Variants in RSF1 observed in about 807,000 individuals in gnomAD.
The protein encoded by RSF1 is HBV pX-associated protein 8.
RSF1 carries 13 observed loss-of-function variants against 145.2 expected under a neutral mutation model. The observed-to-expected ratio is 0.09, with a 90% CI of 0.06 to 0.14. RSF1 has a LOEUF of 0.14. Ranked by LOEUF, RSF1 falls within the 10% of genes least tolerant of loss-of-function variation. RSF1 has a pLI of 1.00. For synonymous variants in RSF1, 577 were observed against 592.6 expected, an observed-to-expected ratio of 0.97 and a Z score of 0.38; for missense variants, 1,517 against 1,718.2, an observed-to-expected ratio of 0.88 and a Z score of 2.07.
At chr11:77,722,001 T>C (rs1039770710) in intron 5 of RSF1, among the ~76,000 whole-genome samples, 11 of 152,022 alleles carry the variant, frequency 7.2e-5, no homozygotes, top group East Asian at 1.9e-4. Flanking sequence ...AGTGAGACCA[T>C]GTCTTTACAA....
chr11:77,696,939 T>C (rs1338536836), intron 7 of RSF1, among the ~76,000 whole-genome samples: 1 of 152,214 alleles, frequency 6.6e-6, no homozygotes, highest in Non-Finnish European at 1.5e-5. Context: ...CTTCCAGATA[T>C]GATATTAACA....
In RSF1 at chr11:77,772,377, T is replaced by C. The variant is rs948146961; in HGVS notation, c.188-7688A>G. Among the ~76,000 whole-genome samples, 3 of 152,156 alleles carry C rather than the reference T, an allele frequency of 2.0e-5. No individual in the cohort carries two copies. The East Asian group carries it at 5.8e-4, about 29-fold the overall frequency. ...TGTGTACAGACAGGGTCCCACTATG[T>C]TGGCCAGGCTGGTCTCAAACTCCGG... On this transcript the variant is annotated intron_variant, in intron 1 of 15. Transcript: ENST00000308488.
chr11:77,830,349 A>G, the RSF1 span, among the ~76,000 whole-genome samples: 2 of 152,158 alleles, frequency 1.3e-5, no homozygotes, highest in African/African-American at 2.4e-5. Flanking sequence ...CCTGCCACCA[A>G]AAGGTTTGCT....
chr11:77,700,909 T>C lies in RSF1; in HGVS notation c.2320A>G (p.Thr774Ala), dbSNP rs1277706505. ...GATATTCTTGGAGATCTTCTTAAAG[T>C]ACGACCCACATTTGTTTTCTCCTCT... is the stretch of plus-strand genomic sequence containing the variant. ...KEEEKTNVGRTLRRSPRISRP... is the reference protein window; with the variant it reads ...KEEEKTNVGRALRRSPRISRP... Residue 774 changes from threonine to alanine, a missense_variant, in exon 6 of 16, where the codon ACT becomes GCT. Transcript: ENST00000308488. 1.9e-6 allele frequency: 3 copies of C among 1,613,832 alleles called. No individual in the cohort carries two copies. The African/African-American group carries it at 4.0e-5, about 22-fold the overall frequency.
the RSF1 span, among the ~76,000 whole-genome samples, chr11:77,825,998 T>G: frequency 6.6e-6 from 1 of 152,148 alleles, no homozygotes; most frequent in African/African-American, 2.4e-5. Context: ...CTACCCATCT[T>G]TTTTTGAGAC....
intron 10 of RSF1, 97 bp from the exon 11 acceptor site, chr11:77,683,916 GTGAAAGGTC>G: frequency 1.2e-6 from 1 of 854,228 alleles, no homozygotes; most frequent in Non-Finnish European, 1.8e-6. Context: ...GGTAGCACAT[GTGAAAGGTC>G]TGAAAAAGTT....
At chr11:77,679,720 T>C (rs1362655200) in intron 11 of RSF1, among the ~76,000 whole-genome samples, 3 of 151,802 alleles carry the variant, frequency 2.0e-5, no homozygotes, top group Admixed American at 2.0e-4. Flanking sequence ...TAGGGCTATA[T>C]TATTACTGCT....
At chr11:77,772,948 A>G (rs1213934393) in intron 1 of RSF1, among the ~76,000 whole-genome samples, 1 of 151,986 alleles carries the variant, frequency 6.6e-6, no homozygotes, top group Admixed American at 6.5e-5. Context: ...CAAATGGATG[A>G]AGGAATAGTT....
At chr11:77,670,094 C>A (rs770115980) in intron 15 of RSF1, among the ~76,000 whole-genome samples, 1 of 152,170 alleles carries the variant, frequency 6.6e-6, no homozygotes, top group African/African-American at 2.4e-5. Context: ...CCACTGCACG[C>A]CAGCCAGGGT....
At position 77,783,335 on chromosome 11, in the gene RSF1, T is replaced by C. The variant is rs567993717; in HGVS notation, c.188-18646A>G. ...TTTTTTAAAATTGGGAAAAATTTAA[T>C]TTTAACATATTTATCCTTTCTTCCA... On this transcript the variant is annotated intron_variant, in intron 1 of 15. Transcript: ENST00000308488. Among the ~76,000 whole-genome samples the C allele has an allele frequency of 1.2e-4, 18 of 152,334 alleles. No individual in the cohort carries two copies. The South Asian group carries it at 3.5e-3, about 30-fold the overall frequency.
At chr11:77,716,447 C>T (rs149957166) in intron 5 of RSF1, among the ~76,000 whole-genome samples, 146 of 152,186 alleles carry the variant, frequency 9.6e-4, no homozygotes, top group Middle Eastern at 6.8e-3. Context: ...ACATTAACAA[C>T]GAAAGAAATC....
intron 4 of RSF1, among the ~76,000 whole-genome samples, chr11:77,726,742 CTG>C (rs1961062872): frequency 6.6e-6 from 1 of 152,138 alleles, no homozygotes; most frequent in Non-Finnish European, 1.5e-5. Flanking sequence ...AAAGTGAAAA[CTG>C]TTAAGATGAA....
At chr11:77,799,924 C>A (rs781649693) in intron 1 of RSF1, among the ~76,000 whole-genome samples, 14 of 152,088 alleles carry the variant, frequency 9.2e-5, no homozygotes, top group Admixed American at 3.9e-4. Flanking sequence ...ATCAACTTCA[C>A]TGAAACAAAC....
At chr11:77,775,758 C>A in intron 1 of RSF1, among the ~76,000 whole-genome samples, 1 of 152,102 alleles carries the variant, frequency 6.6e-6, no homozygotes, top group Non-Finnish European at 1.5e-5. Context: ...AATAGTGAGA[C>A]CCTGTTTCTT....
At position 77,816,901 on chromosome 11, in the gene RSF1, ATAAATC is replaced by A. The variant is rs752388980; in HGVS notation, c.187+3621_187+3626del. On this transcript the variant is annotated intron_variant, in intron 1 of 15. Transcript: ENST00000308488. Reference sequence around the variant, plus strand: ...CATCCTTTTATAACTAGTATCAACTATAAATCTAAATTTTTTGTTGACAATTTCAGC... The same window carrying A: ...CATCCTTTTATAACTAGTATCAACTATAAATTTTTTGTTGACAATTTCAGC... Among the ~76,000 whole-genome samples, 43 of 152,338 alleles carry A rather than the reference ATAAATC, an allele frequency of 2.8e-4. 1 individual carries two copies. In the South Asian group the frequency reaches 3.7e-3, roughly 13 times the overall value.
At chr11:77,720,767 C>T (rs1471467301) in intron 5 of RSF1, among the ~76,000 whole-genome samples, 1 of 152,096 alleles carries the variant, frequency 6.6e-6, no homozygotes, top group Admixed American at 6.5e-5. Context: ...ATGGAGAAAA[C>T]AAAAGCATCT....
intron 3 of RSF1, among the ~76,000 whole-genome samples, chr11:77,743,297 T>C (rs1013318308): frequency 4.6e-4 from 70 of 152,338 alleles, no homozygotes; most frequent in Non-Finnish European, 2.9e-4. Context: ...TGATAGGGAC[T>C]GCGTTGAATC....
At chr11:77,818,103 T>C (rs1015490131) in intron 1 of RSF1, among the ~76,000 whole-genome samples, 1 of 152,218 alleles carries the variant, frequency 6.6e-6, no homozygotes, top group Non-Finnish European at 1.5e-5. Flanking sequence ...TTAGCAACTC[T>C]ATACCAACGG....
intron 6 of RSF1, among the ~76,000 whole-genome samples, chr11:77,700,328 C>T (rs189199927): frequency 3.6e-5 from 4 of 112,452 alleles, no homozygotes; most frequent in African/African-American, 1.4e-4. Flanking sequence ...TCCAGCCTGG[C>T]GACAGAGCAA....
Sources: allele counts gnomAD v4.1 joint callset (sites outside exome capture counted in the v4.1 genomes callset), GRCh38; gene constraint gnomAD v4.1.1; transcripts MANE v1.5; gene names NCBI Gene and HGNC (gene_info 2026-07-23, HGNC 2026-07-21).